Variants in GALNT7 observed in about 807,000 individuals in gnomAD.
GALNT7 encodes the protein polypeptide N-acetylgalactosaminyltransferase 7.
A neutral mutation model predicts 82.1 loss-of-function variants in GALNT7; 60 were observed. The ratio of observed to expected loss-of-function variants is 0.73; its 90% CI spans 0.59 to 0.91. The LOEUF is 0.91. Among genes scored for constraint, GALNT7 ranks in the 40% least tolerant of loss-of-function variants. The pLI, the probability that GALNT7 is intolerant of heterozygous loss-of-function variation, is 0.00. For missense variants in GALNT7, 660 were observed against 804.2 expected, an observed-to-expected ratio of 0.82 and a Z score of 2.17; for synonymous variants, 243 against 275.1, an observed-to-expected ratio of 0.88 and a Z score of 1.15.
intron 1 of GALNT7, among the ~76,000 whole-genome samples, chr4:173,189,170 G>A (rs139604102): frequency 4.4e-4 from 67 of 152,112 alleles, no homozygotes; most frequent in African/African-American, 7.0e-4. Flanking sequence ...CTGATCTTGC[G>A]GTTATTTATC....
intron 2 of GALNT7, among the ~76,000 whole-genome samples, chr4:173,277,413 C>G (rs1735952095): frequency 6.6e-6 from 1 of 152,168 alleles, no homozygotes; most frequent in South Asian, 2.1e-4. Context: ...AAATAGCTGT[C>G]CAGTCCTTGC....
intron 1 of GALNT7, among the ~76,000 whole-genome samples, chr4:173,197,063 C>T (rs1296187541): frequency 2.3e-4 from 27 of 117,954 alleles, no homozygotes; most frequent in Non-Finnish European, 2.8e-4. Context: ...CTCTCTCTCC[C>T]TTTTTTTTTT....
chr4:173,312,953 G>C (rs1246103805), intron 8 of GALNT7, among the ~76,000 whole-genome samples: 2 of 152,144 alleles, frequency 1.3e-5, no homozygotes, highest in Non-Finnish European at 2.9e-5. Context: ...CAGCTACTCA[G>C]GAGGCTGAGG....
At chr4:173,220,350 A>G (rs1186791015) in intron 1 of GALNT7, among the ~76,000 whole-genome samples, 3 of 152,052 alleles carry the variant, frequency 2.0e-5, no homozygotes, top group Non-Finnish European at 2.9e-5. Flanking sequence ...GTTGTTCTAT[A>G]TGCCTATTTT....
chr4:173,170,195 G>A (rs1487496600), intron 1 of GALNT7, among the ~76,000 whole-genome samples: 1 of 152,232 alleles, frequency 6.6e-6, no homozygotes, highest in African/African-American at 2.4e-5. Flanking sequence ...CAACTGGGCC[G>A]GCTGCCAGTG....
At chr4:173,186,337 G>A (rs1352236847) in intron 1 of GALNT7, among the ~76,000 whole-genome samples, 2 of 152,182 alleles carry the variant, frequency 1.3e-5, no homozygotes, top group East Asian at 1.9e-4. Context: ...ACTCTGACAT[G>A]GGTTAAAATG....
At position 173,245,399 on chromosome 4, in the gene GALNT7, A is replaced by G. The variant is rs149188043; in HGVS notation, c.127-2581A>G. Among the ~76,000 whole-genome samples the G allele has an allele frequency of 7.0e-3, 1,063 of 152,274 alleles. 4 individuals carry two copies. The highest frequency in any genetic ancestry group is 0.011 in the Non-Finnish European group (723 of 68,012). On this transcript the variant is annotated intron_variant, in intron 1 of 11. Coordinates refer to ENST00000265000, the MANE Select transcript of GALNT7 (RefSeq NM_017423.3). The stretch of plus-strand genomic sequence containing the variant: ...TTGATTTCATGTACTATCATATTCT[A>G]TATTCTTCTAATATTCAATTTCTTC...
intron 1 of GALNT7, among the ~76,000 whole-genome samples, chr4:173,243,489 A>G (rs1380117240): frequency 2.0e-5 from 3 of 152,216 alleles, no homozygotes; most frequent in Non-Finnish European, 4.4e-5. Flanking sequence ...CGAAGGTATC[A>G]TTGTACCAGT....
intron 2 of GALNT7, among the ~76,000 whole-genome samples, chr4:173,284,591 G>A (rs907574150): frequency 4.6e-5 from 7 of 152,066 alleles, no homozygotes; most frequent in Non-Finnish European, 1.0e-4. Flanking sequence ...GGCCAGGAAA[G>A]ACAACCTTGA....
At chr4:173,219,726 G>A (rs1199299456) in intron 1 of GALNT7, among the ~76,000 whole-genome samples, 3 of 152,054 alleles carry the variant, frequency 2.0e-5, no homozygotes, top group Non-Finnish European at 4.4e-5. Context: ...GTTTTGATTT[G>A]CATTTCCCTC....
At chr4:173,221,681 C>CA (rs1223051565) in intron 1 of GALNT7, among the ~76,000 whole-genome samples, 1 of 152,120 alleles carries the variant, frequency 6.6e-6, no homozygotes, top group African/African-American at 2.4e-5. Context: ...TATTATCTAT[C>CA]AAATAGTTAA....
chr4:173,241,268 G>C (rs1734425341), intron 1 of GALNT7, among the ~76,000 whole-genome samples: 2 of 151,562 alleles, frequency 1.3e-5, no homozygotes, highest in African/African-American at 4.8e-5. Flanking sequence ...TAATGAGCAT[G>C]TAGTATTTTT....
intron 2 of GALNT7, among the ~76,000 whole-genome samples, chr4:173,264,224 G>A (rs556659356): frequency 1.1e-4 from 16 of 152,076 alleles, no homozygotes; most frequent in Admixed American, 7.2e-4. Flanking sequence ...ATTGTAAAAC[G>A]TTAAGCAGAT....
chr4:173,307,352 C>T (rs917455746), intron 8 of GALNT7, among the ~76,000 whole-genome samples: 1 of 152,214 alleles, frequency 6.6e-6, no homozygotes, highest in Non-Finnish European at 1.5e-5. Flanking sequence ...TATTTCGCTA[C>T]TGTATTGATA....
At chr4:173,293,856 G>C (rs944913114) in intron 3 of GALNT7, among the ~76,000 whole-genome samples, 1 of 152,194 alleles carries the variant, frequency 6.6e-6, no homozygotes, top group Admixed American at 6.5e-5. Context: ...CCTGCAGAGG[G>C]GCAGTGGGAA....
At chr4:173,275,891 T>A (rs978039710) in intron 2 of GALNT7, among the ~76,000 whole-genome samples, 1 of 152,144 alleles carries the variant, frequency 6.6e-6, no homozygotes, top group African/African-American at 2.4e-5. Flanking sequence ...GATAGGGATA[T>A]GGGCATGATG....
Position 173,315,287 on chromosome 4 carries a change from G to T in GALNT7, c.1608+1111G>T, listed in dbSNP as rs372961024. ...GGTTGTTTTGAGTAGCTGATTAGGT[G>T]GCTGCTGAGATTGGGAAGATAGTAG... On this transcript the variant is annotated intron_variant, in intron 9 of 11. Coordinates refer to ENST00000265000, the MANE Select transcript of GALNT7 (RefSeq NM_017423.3). Among the ~76,000 whole-genome samples the T allele has an allele frequency of 1.4e-4, 21 of 152,276 alleles. 1 individual carries two copies. In the East Asian group the frequency reaches 2.1e-3, roughly 15 times the overall value.
intron 8 of GALNT7, 89 bp downstream of exon 8, chr4:173,304,207 G>C (rs1282062229): frequency 9.2e-7 from 1 of 1,084,250 alleles, no homozygotes; most frequent in African/African-American, 1.6e-5. Context: ...TCAGCTTATT[G>C]AGTGGGCTCT....
At chr4:173,288,795 A>G (rs1447172241) in intron 2 of GALNT7, among the ~76,000 whole-genome samples, 1 of 151,906 alleles carries the variant, frequency 6.6e-6, no homozygotes, top group Non-Finnish European at 1.5e-5. Flanking sequence ...ACTAGGTGAA[A>G]ATTTAAACTG....
Sources: allele counts gnomAD v4.1 joint callset (sites outside exome capture counted in the v4.1 genomes callset), GRCh38; gene constraint gnomAD v4.1.1; transcripts MANE v1.5; gene names NCBI Gene and HGNC (gene_info 2026-07-23, HGNC 2026-07-21).